Variants in CMBL observed in about 807,000 individuals in gnomAD.
The protein encoded by CMBL is carboxymethylenebutenolidase homolog (Pseudomonas).
A neutral mutation model predicts 28.7 loss-of-function variants in CMBL; 17 were observed. The observed-to-expected ratio is 0.59, with a 90% confidence interval of 0.41 to 0.89. The LOEUF is 0.89. Ranked by LOEUF, CMBL falls within the 40% of genes least tolerant of loss-of-function variation. The probability of loss-of-function intolerance (pLI) is 0.00; values close to 1 mark genes in which losing one functional copy is unlikely to be tolerated. For missense variants in CMBL, 310 were observed against 298.5 expected, an observed-to-expected ratio of 1.04 and a Z score of -0.28; for synonymous variants, 106 against 101.6, an observed-to-expected ratio of 1.04 and a Z score of -0.26.
In CMBL at chr5:10,280,579, A is replaced by C. The variant is rs755516670; in HGVS notation, c.612T>G (p.Ile204Met). 6.2e-7 allele frequency: 1 copy of C among 1,613,512 alleles called. No homozygotes were observed. Among genetic ancestry groups the C allele is most frequent in the Non-Finnish European group, 8.5e-7 (1 of 1,179,542 alleles). Residue 204 changes from isoleucine to methionine, a missense_variant, in exon 6 of 6, where the codon ATT becomes ATG. Ile to Met is a conservative substitution (Grantham distance 10). Coordinates refer to ENST00000296658, the MANE Select transcript of CMBL (RefSeq NM_138809.4). ...LKEHCKVEYQ[I>M]KTFSGQTHGF... The stretch of plus-strand genomic sequence containing the variant: ...CATGAGTCTGCCCAGAAAATGTTTT[A>C]ATTTGATATTCAACTTTGCAGTGTT...
At chr5:10,286,880 C>T (rs1746613884) in intron 3 of CMBL, among the ~76,000 whole-genome samples, 1 of 152,184 alleles carries the variant, frequency 6.6e-6, no homozygotes, top group South Asian at 2.1e-4. Flanking sequence ...CTTCTCTGTC[C>T]CCTGAGTCTC....
chr5:10,295,113 C>T (rs558143077), intron 1 of CMBL, among the ~76,000 whole-genome samples: 4 of 150,304 alleles, frequency 2.7e-5, no homozygotes, highest in South Asian at 2.1e-4. Flanking sequence ...GACAGAGACT[C>T]GCTCTGGTTG....
At chr5:10,286,828 A>G (rs941285840) in intron 3 of CMBL, among the ~76,000 whole-genome samples, 20 of 152,316 alleles carry the variant, frequency 1.3e-4, no homozygotes, top group Non-Finnish European at 2.1e-4. Context: ...CACGGTTCGT[A>G]AGACCCGAGT....
intron 1 of CMBL, 82 bp from the exon 2 acceptor site, chr5:10,290,863 T>G: frequency 9.3e-7 from 1 of 1,078,792 alleles, no homozygotes. Flanking sequence ...CAAATCAAGA[T>G]TATAGAAAAA....
At chr5:10,290,516 A>T (rs775419462) in intron 2 of CMBL, 32 bp downstream of exon 2, 1 of 1,573,572 alleles carries the variant, frequency 6.4e-7, no homozygotes, top group South Asian at 1.1e-5. Context: ...ATTTGTATGA[A>T]TTTAAACAAA....
intron 1 of CMBL, among the ~76,000 whole-genome samples, chr5:10,303,840 G>A (rs936226254): frequency 2.0e-5 from 3 of 152,044 alleles, no homozygotes; most frequent in African/African-American, 4.8e-5. Flanking sequence ...TCACCCAGCC[G>A]CATGACACTG....
rs1343007313 is a variant in CMBL, at chr5:10,289,681, C to T, written c.215+867G>A. On this transcript the variant is annotated intron_variant, in intron 2 of 5. Transcript: ENST00000296658. This position sits in a 1 kb window ranked among gnomAD's most constrained non-coding sequence, Gnocchi z 4.3. ...TATTTACTTATTTATTTTTACTGGG[C>T]TTGCCCCTAGAAAGTTAAGTCCCCT... Among the ~76,000 whole-genome samples the T allele has an allele frequency of 1.3e-5, 2 of 152,156 alleles. No homozygotes were observed. The highest frequency in any genetic ancestry group is 6.5e-5 in the Admixed American group (1 of 15,272).
chr5:10,278,981 G>C lies in CMBL; in HGVS notation c.*1472C>G, dbSNP rs953529549. Among the ~76,000 whole-genome samples the C allele has an allele frequency of 5.9e-5, 9 of 152,166 alleles. No homozygotes were observed. Among genetic ancestry groups the C allele is most frequent in the African/African-American group, 2.2e-4 (9 of 41,422 alleles). On this transcript the variant is annotated 3_prime_UTR_variant, in exon 6 of 6. Coordinates refer to ENST00000296658, the MANE Select transcript of CMBL (RefSeq NM_138809.4). ...CAGGATCCCCGTCAGGGCAGGGCTA[G>C]AGTTTACAGCCACTCTCTCCTGAGA...
At chr5:10,287,261 A>G (rs1041865957) in intron 3 of CMBL, among the ~76,000 whole-genome samples, 7 of 152,258 alleles carry the variant, frequency 4.6e-5, no homozygotes, top group Non-Finnish European at 1.0e-4. Flanking sequence ...ATGAGTGGAT[A>G]AAGAAAATGT....
chr5:10,295,003 C>T (rs190948424), intron 1 of CMBL, among the ~76,000 whole-genome samples: 59 of 152,080 alleles, frequency 3.9e-4, no homozygotes, highest in African/African-American at 8.0e-4. Context: ...CAAGCTAAAA[C>T]GAAAACTTTG....
rs989345578 is a variant in CMBL, at chr5:10,277,699, G to T, written c.*2754C>A. Among the ~76,000 whole-genome samples, 1 of 151,888 alleles carries T rather than the reference G, an allele frequency of 6.6e-6. No individual in the cohort carries two copies. The highest frequency in any genetic ancestry group is 2.4e-5 in the African/African-American group (1 of 41,338). On this transcript the variant is annotated 3_prime_UTR_variant, in exon 6 of 6. Coordinates refer to ENST00000296658, the MANE Select transcript of CMBL (RefSeq NM_138809.4). ...TCCCTTTACCTTCATTTATCTGTTT[G>T]TCTAATAGTCACTGAAGAACATATC...
At chr5:10,280,660 A>C in intron 5 of CMBL, 28 bp from the exon 6 acceptor site, 2 of 1,568,836 alleles carry the variant, frequency 1.3e-6, no homozygotes, top group Non-Finnish European at 8.7e-7. Flanking sequence ...TCATGATTTT[A>C]ACCCTTTAGT....
intron 1 of CMBL, among the ~76,000 whole-genome samples, chr5:10,293,317 C>T (rs1003223975): frequency 2.0e-5 from 3 of 152,172 alleles, no homozygotes; most frequent in Admixed American, 6.5e-5. Flanking sequence ...GCTGGGAAGT[C>T]GCAGTTCAAG....
At chr5:10,284,275 G>C (rs1440709852) in intron 4 of CMBL, among the ~76,000 whole-genome samples, 1 of 152,252 alleles carries the variant, frequency 6.6e-6, no homozygotes, top group Non-Finnish European at 1.5e-5. Context: ...ATTGTTCCCA[G>C]AGGCAGCTGG....
intron 1 of CMBL, 122 bp from the exon 2 acceptor site, chr5:10,290,903 T>C (rs1746701894): frequency 2.8e-6 from 2 of 707,084 alleles, no homozygotes; most frequent in Non-Finnish European, 4.7e-6. Flanking sequence ...TATGGTATTA[T>C]GTGAGAAACC....
rs1303231455 is a variant in CMBL at position 10,288,538 on chromosome 5, T to C, written c.216-9A>G. 6.3e-7 allele frequency: 1 copy of C among 1,578,682 alleles called. No homozygotes were observed. The highest frequency in any genetic ancestry group is 1.7e-5 in the Admixed American group (1 of 59,982). On this transcript the variant is annotated splice_polypyrimidine_tract_variant and intron_variant, in intron 2 of 5. Coordinates refer to ENST00000296658, the MANE Select transcript of CMBL (RefSeq NM_138809.4). ...AGTCTGGAACAATGGTTCTGCAAAA[T>C]ATGGACATGAATTGATCTTAGTTTC...
intron 3 of CMBL, among the ~76,000 whole-genome samples, chr5:10,287,054 C>G (rs981789841): frequency 6.6e-6 from 1 of 152,202 alleles, no homozygotes; most frequent in Non-Finnish European, 1.5e-5. Context: ...ATTTGGAACG[C>G]CATCAGGACT....
chr5:10,298,612 G>T (rs1746846314), intron 1 of CMBL, among the ~76,000 whole-genome samples: 1 of 152,214 alleles, frequency 6.6e-6, no homozygotes, highest in South Asian at 2.1e-4. Flanking sequence ...CCCCATTTGG[G>T]CTGAGTGCGG....
At chr5:10,297,493 C>T (rs967338263) in intron 1 of CMBL, among the ~76,000 whole-genome samples, 8 of 149,548 alleles carry the variant, frequency 5.3e-5, no homozygotes, top group African/African-American at 7.4e-5. Context: ...TCGCTTGAAC[C>T]GGGAAGCAGA....
Sources: allele counts gnomAD v4.1 joint callset (sites outside exome capture counted in the v4.1 genomes callset), GRCh38; gene constraint gnomAD v4.1.1; non-coding constraint Gnocchi (gnomAD v3.1); transcripts MANE v1.5; gene names NCBI Gene and HGNC (gene_info 2026-07-23, HGNC 2026-07-21).